TRMT6: variants seen among roughly 807,000 people sequenced by gnomAD.
TRMT6 encodes the protein tRNA (adenine(58)-N(1))-methyltransferase non-catalytic subunit TRM6.
Under a neutral mutation model 59.0 loss-of-function variants are expected in TRMT6, and 34 were observed. The ratio of observed to expected loss-of-function variants is 0.58; its 90% CI spans 0.44 to 0.77. TRMT6 has a LOEUF of 0.77. Among genes scored for constraint, TRMT6 ranks in the 30% least tolerant of loss-of-function variants. TRMT6 has a pLI of 0.00. For synonymous variants in TRMT6, 217 were observed against 210.5 expected, an observed-to-expected ratio of 1.03 and a Z score of -0.27; for missense variants, 575 against 604.5, an observed-to-expected ratio of 0.95 and a Z score of 0.51.
chr20:5,947,300 C>T (rs2088716232), intron 1 of TRMT6, among the ~76,000 whole-genome samples: 3 of 152,228 alleles, frequency 2.0e-5, no homozygotes, highest in African/African-American at 7.2e-5. Context: ...CACCTAGCTT[C>T]AGGACATGGC....
chr20:5,949,381 T>C (rs1171276097), intron 1 of TRMT6, among the ~76,000 whole-genome samples: 1 of 152,060 alleles, frequency 6.6e-6, no homozygotes, highest in Non-Finnish European at 1.5e-5. Context: ...ACACTGTGGT[T>C]GTATTTCTCA....
At position 5,937,917 on chromosome 20, in the gene TRMT6, A is replaced by C. The variant is rs1261248928; in HGVS notation, c.*618T>G. On this transcript the variant is annotated 3_prime_UTR_variant, in exon 11 of 11. Transcript: ENST00000203001. ...TAGAACAAAGAATAAGAGTATTGGC[A>C]AATTAATGCAAAAAAGTACCCTACT... 6.6e-6 allele frequency: 1 copy of C among 152,224 alleles called. No individual in the cohort carries two copies. Among genetic ancestry groups the C allele is most frequent in the Non-Finnish European group, 1.5e-5 (1 of 68,054 alleles). The allele number at this position is 152,224 out of a possible 1,614,324, so 9.4% of individuals were successfully genotyped here.
chr20:5,946,947 A>T (rs2088712679), intron 1 of TRMT6, among the ~76,000 whole-genome samples: 1 of 152,196 alleles, frequency 6.6e-6, no homozygotes, highest in Admixed American at 6.5e-5. Context: ...CCTATGACAT[A>T]GATTTTTTAT....
intron 2 of TRMT6, among the ~76,000 whole-genome samples, chr20:5,945,432 G>C (rs958810320): frequency 3.3e-5 from 5 of 152,210 alleles, no homozygotes; most frequent in African/African-American, 4.8e-5. Flanking sequence ...TCTATCACTT[G>C]AGGCTGAGCT....
Position 5,941,980 on chromosome 20 carries a change from G to A in TRMT6, c.1083C>T (p.Ala361=), listed in dbSNP as rs754563478. The A allele has an allele frequency of 6.2e-6, 10 of 1,613,274 alleles. No homozygotes were observed. The highest frequency in any genetic ancestry group is 1.1e-5 in the South Asian group (1 of 91,066). Residue 361 remains alanine, a synonymous_variant, in exon 8 of 11, where the codon GCC becomes GCT. Transcript: ENST00000203001. ...CTGCGTTTCTTTCACTCAGCAGAGC[G>A]GCAGCCTCTAAATGTCTTTTCCTCT... ...EEQRKRHLEA[A]ALLSERNADG...
At chr20:5,943,354 T>G (rs568531269) in intron 6 of TRMT6, among the ~76,000 whole-genome samples, 31 of 152,286 alleles carry the variant, frequency 2.0e-4, no homozygotes, top group Non-Finnish European at 4.0e-4. Flanking sequence ...ACAATTGCCA[T>G]GGGTTTGGGG....
At position 5,941,105 on chromosome 20, in the gene TRMT6, C is replaced by A. The variant is rs1357407925; in HGVS notation, c.1250G>T (p.Arg417Met). The change falls in exon 10 of 11, where the codon AGG (arginine) becomes ATG (methionine). Residue 417 changes from arginine to methionine, a missense_variant. By Grantham distance (91) the Arg-to-Met change is moderately conservative. Coordinates refer to ENST00000203001, the MANE Select transcript of TRMT6 (RefSeq NM_015939.5). ...LLECYTKLRERGGVINLRLSE... is the reference protein window; with the variant it reads ...LLECYTKLREMGGVINLRLSE... ...CAGCCTGAGGTTGATGACCCCTCCC[C>A]TCTCCCGCAGTTTTGTGTAGCATTC... 2 of 1,614,200 alleles carry A rather than the reference C, an allele frequency of 1.2e-6. No individual in the cohort carries two copies. The highest frequency in any genetic ancestry group is 1.7e-6 in the Non-Finnish European group (2 of 1,180,028).
chr20:5,942,016 T>C lies in TRMT6; in HGVS notation c.1047A>G (p.Arg349=). 1 of 1,612,948 alleles carries C rather than the reference T, an allele frequency of 6.2e-7. No homozygotes were observed. The change falls in exon 8 of 11, where the codon AGA becomes AGG. Residue 349 remains arginine, a synonymous_variant. Coordinates refer to ENST00000203001, the MANE Select transcript of TRMT6 (RefSeq NM_015939.5). ...KKDYIQEKQR[R]QEEQRKRHLE... is the part of the protein sequence containing the mutation. ...AATGTCTTTTCCTCTGCTCTTCTTG[T>C]CTCCTCTGTTTTTCCTGAATCTTCA...
At chr20:5,939,473 CTG>C (rs1158695790) in intron 10 of TRMT6, among the ~76,000 whole-genome samples, 4 of 146,332 alleles carry the variant, frequency 2.7e-5, no homozygotes, top group African/African-American at 1.0e-4. Context: ...GAGCGAGACT[CTG>C]TCTCAAAAAT....
rs1383469567 is a variant in TRMT6, at chr20:5,944,088, TG to T, written c.459-58del. ...AAAAAATGACTTAAAATATTTTATTTGTAATAAAATGTATATTTTATAAACA... is the reference window on the plus strand; with the variant it reads ...AAAAAATGACTTAAAATATTTTATTTTAATAAAATGTATATTTTATAAACA... On this transcript the variant is annotated intron_variant, in intron 4 of 10. Coordinates refer to ENST00000203001, the MANE Select transcript of TRMT6 (RefSeq NM_015939.5). 8.8e-6 allele frequency: 12 copies of T among 1,367,346 alleles called. No individual in the cohort carries two copies. In the African/African-American group the frequency reaches 1.3e-4, roughly 15 times the overall value. The allele number at this position is 1,367,346 out of a possible 1,614,324, so 84.7% of individuals were successfully genotyped here.
At chr20:5,943,789 T>C in intron 5 of TRMT6, 106 bp from the exon 6 acceptor site, 2 of 1,540,256 alleles carry the variant, frequency 1.3e-6, no homozygotes, top group South Asian at 2.6e-5. Context: ...GTTGATAAGA[T>C]TATTGATTGC....
At position 5,944,022 on chromosome 20, in the gene TRMT6, G is replaced by A; in HGVS notation, c.468C>T (p.Ala156=). Residue 156 remains alanine (A), a synonymous_variant, in exon 5 of 11, where the codon GCC becomes GCT. Transcript: ENST00000203001. ...TGGATGGCTTCACAACAGTAATGAT[G>A]GCTTCATATCTGGGGGAAGAAAAAA... The part of the protein sequence containing the change: ...YIKKKKKKYE[A]IITVVKPSTR... 6.3e-7 allele frequency: 1 copy of A among 1,598,096 alleles called. No homozygotes were observed. Among genetic ancestry groups the A allele is most frequent in the South Asian group, 1.2e-5 (1 of 86,442 alleles).
chr20:5,947,996 T>C (rs1413831951), intron 1 of TRMT6, among the ~76,000 whole-genome samples: 1 of 152,126 alleles, frequency 6.6e-6, no homozygotes. Flanking sequence ...CTACAAAAAG[T>C]ACACAAATTA....
chr20:5,942,509 T>C lies in TRMT6; in HGVS notation c.945A>G (p.Pro315=), dbSNP rs763321235. ...TTGTTTCCATTGTTTCCTGGTCTTC[T>C]GGGTGGTTGCTCTCTGGGGCCTCTG... The part of the protein sequence containing the change: ...SMAEAPESNH[P]EDQETMETIS... Residue 315 remains proline, a synonymous_variant, in exon 7 of 11, where the codon CCA becomes CCG. Transcript: ENST00000203001. The C allele has an allele frequency of 1.1e-5, 17 of 1,614,066 alleles. No homozygotes were observed. Among genetic ancestry groups the C allele is most frequent in the Middle Eastern group, 3.3e-4 (2 of 6,084 alleles).
rs1242529370 is a variant in TRMT6, at chr20:5,941,127, A to C, written c.1228T>G (p.Cys410Gly). The C allele has an allele frequency of 6.2e-7, 1 of 1,614,158 alleles. No homozygotes were observed. Among genetic ancestry groups the C allele is most frequent in the Admixed American group, 1.7e-5 (1 of 60,032 alleles). The change falls in exon 10 of 11, where the codon TGC (cysteine) becomes GGC (glycine). Residue 410 changes from cysteine to glycine, a missense_variant. Coordinates refer to ENST00000203001, the MANE Select transcript of TRMT6 (RefSeq NM_015939.5). Reference protein sequence around the residue: ...YCQYKEPLLECYTKLRERGGV... With the variant: ...YCQYKEPLLEGYTKLRERGGV... Reference sequence around the variant, plus strand: ...CCCCTCTCCCGCAGTTTTGTGTAGCATTCCAACAGAGGCTGCAGACAACAA... The same window carrying C: ...CCCCTCTCCCGCAGTTTTGTGTAGCCTTCCAACAGAGGCTGCAGACAACAA...
In TRMT6 at chr20:5,944,899, C is replaced by A; in HGVS notation, c.272G>T (p.Gly91Val). ...ATCAACTATATTTCGATTATCAGTG[C>A]CCGCTTCTTTAGTCTCTAAGGAAAG... ...EEPTAETKEA[G>V]TDNRNIVDDG... Residue 91 changes from glycine to valine, a missense_variant, in exon 3 of 11, where the codon GGC (glycine) becomes GTC (valine). Gly to Val is a moderately radical substitution (Grantham distance 109). Transcript: ENST00000203001. 1 of 1,612,892 alleles carries A rather than the reference C, an allele frequency of 6.2e-7. No homozygotes were observed. The highest frequency in any genetic ancestry group is 1.3e-5 in the African/African-American group (1 of 74,994).
chr20:5,950,189 T>C lies in TRMT6; in HGVS notation c.128+89A>G, dbSNP rs1050987175. On this transcript the variant is annotated intron_variant, in intron 1 of 10. Transcript: ENST00000203001. Reference sequence around the variant, plus strand: ...ACCGAGAGAGCCAAGAATGGCACCCTGGCGGAAGAATTCTGTGGAGAAACC... The same window carrying C: ...ACCGAGAGAGCCAAGAATGGCACCCCGGCGGAAGAATTCTGTGGAGAAACC... The C allele has an allele frequency of 5.4e-5, 76 of 1,397,242 alleles. No individual in the cohort carries two copies. The East Asian group carries it at 1.2e-3, about 22-fold the overall frequency. 86.6% of individuals were successfully genotyped at this position (1,397,242 alleles called of 1,614,324 possible).
chr20:5,942,961 A>G (rs900626746), intron 6 of TRMT6, among the ~76,000 whole-genome samples, 175 bp from the exon 7 acceptor site: 3 of 152,168 alleles, frequency 2.0e-5, no homozygotes, highest in Admixed American at 6.5e-5. Context: ...AGTATTACCA[A>G]TGGAGGTAAT....
chr20:5,943,283 C>T (rs1017706296), intron 6 of TRMT6, among the ~76,000 whole-genome samples: 9 of 152,158 alleles, frequency 5.9e-5, no homozygotes, highest in South Asian at 2.1e-4. Context: ...ATCACTGTCC[C>T]GAAAGCCCTA....
Sources: allele counts gnomAD v4.1 joint callset (sites outside exome capture counted in the v4.1 genomes callset), GRCh38; gene constraint gnomAD v4.1.1; transcripts MANE v1.5; gene names NCBI Gene and HGNC (gene_info 2026-07-23, HGNC 2026-07-21).